The following DAB1 variants were observed in gnomAD, a reference collection of about 807,000 sequenced individuals.
DAB1 encodes the protein disabled homolog 1.
In DAB1, 15 loss-of-function variants were observed where a neutral mutation model predicts 64.6. The ratio of observed to expected loss-of-function variants is 0.23; its 90% confidence interval spans 0.16 to 0.36. DAB1 has a LOEUF of 0.36. DAB1 is among the 10% of genes least tolerant of loss of function. The pLI is 1.00. For missense variants in DAB1, 596 were observed against 706.7 expected (o/e 0.84, Z 1.78); for synonymous variants, 235 against 251.9 (o/e 0.93, Z 0.64).
chr1:58,433,193 G>A (rs1644898694), intron 3 of DAB1, among the ~76,000 whole-genome samples: 1 of 152,154 alleles, frequency 6.6e-6, no homozygotes, highest in Admixed American at 6.5e-5. Flanking sequence ...CATTTGGTGG[G>A]TACTTTACAC....
chr1:57,485,746 G>A (rs777644512), intron 7 of DAB1, among the ~76,000 whole-genome samples: 1 of 152,144 alleles, frequency 6.6e-6, no homozygotes, highest in Non-Finnish European at 1.5e-5. Flanking sequence ...GTGATGATGC[G>A]TTTAAACACT....
chr1:57,168,231 T>C (rs1297894004), intron 2 of DAB1, among the ~76,000 whole-genome samples: 1 of 152,214 alleles, frequency 6.6e-6, no homozygotes. Context: ...GGTTTCTCAC[T>C]TCCCTTCAAA....
chr1:57,455,606 G>A (rs1295595299), intron 7 of DAB1, among the ~76,000 whole-genome samples: 1 of 152,092 alleles, frequency 6.6e-6, no homozygotes. Flanking sequence ...GTGTTAATAA[G>A]CAGGCAAGAA....
At chr1:58,104,932 A>T (rs111631087) in intron 5 of DAB1, among the ~76,000 whole-genome samples, 1 of 152,362 alleles carries the variant, frequency 6.6e-6, no homozygotes, top group African/African-American at 2.4e-5. Flanking sequence ...ACTTTCAAAA[A>T]GGGAATGTCG....
chr1:57,752,277 G>A (rs1648592892), intron 6 of DAB1, among the ~76,000 whole-genome samples: 1 of 152,186 alleles, frequency 6.6e-6, no homozygotes, highest in Non-Finnish European at 1.5e-5. Context: ...AACCCAAGGG[G>A]TTTGATTTTC....
At chr1:57,892,805 A>G (rs1644336915) in intron 5 of DAB1, among the ~76,000 whole-genome samples, 1 of 152,206 alleles carries the variant, frequency 6.6e-6, no homozygotes, top group South Asian at 2.1e-4. Flanking sequence ...ACCCTGGACA[A>G]TTCCTGACAG....
intron 5 of DAB1, among the ~76,000 whole-genome samples, chr1:57,982,792 C>T (rs542904205): frequency 6.6e-6 from 1 of 152,312 alleles, no homozygotes; most frequent in South Asian, 2.1e-4. Flanking sequence ...GGCCCCTCAT[C>T]CTTTCATAGA....
chr1:58,536,382 C>T (rs1020344736), intron 1 of DAB1: 76 of 616,130 alleles, frequency 1.2e-4, no homozygotes, highest in Middle Eastern at 8.6e-4. Context: ...CTGAGGCCTT[C>T]GGGAAAAAAA....
intron 7 of DAB1, among the ~76,000 whole-genome samples, chr1:57,546,065 G>C (rs1376570389): frequency 7.6e-6 from 1 of 131,532 alleles, no homozygotes; most frequent in East Asian, 2.1e-4. Context: ...GAGCAGAGGG[G>C]AGTGTGTGTG....
intron 7 of DAB1, among the ~76,000 whole-genome samples, chr1:57,481,481 T>C (rs897437308): frequency 7.2e-5 from 11 of 152,208 alleles, no homozygotes; most frequent in African/African-American, 2.7e-4. Context: ...ATGGGAGCTA[T>C]ACAGCTCTGA....
At chr1:57,352,376 T>C (rs1678656806) in intron 1 of DAB1, among the ~76,000 whole-genome samples, 1 of 152,180 alleles carries the variant, frequency 6.6e-6, no homozygotes, top group African/African-American at 2.4e-5. Flanking sequence ...ACTTGAAAAT[T>C]TGTTCATATA....
chr1:57,987,093 G>A (rs1222153768), intron 5 of DAB1, among the ~76,000 whole-genome samples: 1 of 152,162 alleles, frequency 6.6e-6, no homozygotes, highest in Non-Finnish European at 1.5e-5. Context: ...GGCTCTGATA[G>A]TTACAAAAAT....
intron 4 of DAB1, among the ~76,000 whole-genome samples, chr1:58,282,969 C>T (rs1273769271): frequency 6.6e-6 from 1 of 152,188 alleles, no homozygotes; most frequent in East Asian, 1.9e-4. Context: ...TGCTGGGAAA[C>T]CCACAGGGAG....
chr1:58,093,697 GA>G lies in DAB1; in HGVS notation n.387+56813del, dbSNP rs746501755. ...AGGGTGCAACCAAGGGTTCAAAAGG[GA>G]AAAAAAAAAAAAAGAAAACTGGAGA... is the stretch of plus-strand genomic sequence containing the variant. On this transcript the variant is annotated intron_variant and non_coding_transcript_variant, in intron 5 of 20. Transcript: ENST00000485760. Among the ~76,000 whole-genome samples, 747 of 129,314 alleles carry G rather than the reference GA, an allele frequency of 5.8e-3. 1 individual carries two copies. The highest frequency in any genetic ancestry group is 0.028 in the Middle Eastern group (7 of 248). The allele number at this position is 129,314 out of a possible 152,430, so 84.8% of individuals were successfully genotyped here.
upstream of DAB1, among the ~76,000 whole-genome samples, chr1:57,886,333 G>A (rs1569920750): frequency 1.3e-5 from 2 of 151,980 alleles, no homozygotes; most frequent in Admixed American, 1.3e-4. Context: ...TAATTTTTGT[G>A]TTTTTAGTAG....
chr1:58,462,917 G>C lies in DAB1; in HGVS notation n.257+43143C>G, dbSNP rs185034592. ...TAGTAGGAATTCAGGGACAACTGTC[G>C]TTCTTATTGTTATAACCTCAGCTTC... is the stretch of plus-strand genomic sequence containing the variant. On this transcript the variant is annotated intron_variant and non_coding_transcript_variant, in intron 3 of 20. Transcript: ENST00000485760. 6 of 152,288 alleles carry C rather than the reference G, an allele frequency of 3.9e-5. No homozygotes were observed. In the East Asian group the frequency reaches 5.8e-4, roughly 15 times the overall value. The allele number at this position is 152,288 out of a possible 1,614,324, so 9.4% of individuals were successfully genotyped here.
At chr1:57,277,823 T>A (rs943994805) in intron 2 of DAB1, among the ~76,000 whole-genome samples, 2 of 152,186 alleles carry the variant, frequency 1.3e-5, no homozygotes, top group Non-Finnish European at 2.9e-5. Flanking sequence ...AAATACATGA[T>A]AAGATTCAGG....
chr1:57,418,341 C>T lies in DAB1; in HGVS notation c.-137+5589G>A, dbSNP rs114198704. On this transcript the variant is annotated intron_variant, in intron 1 of 14. Transcript: ENST00000371236. ...TGAATGTGACAAAGGCAGATAGAAA[C>T]GAGGAAAGACAGAGACAGAGAAAGA... Among the ~76,000 whole-genome samples the T allele has an allele frequency of 8.9e-3, 1,349 of 152,114 alleles. 23 individuals are homozygous for T. The highest frequency in any genetic ancestry group is 0.031 in the African/African-American group (1,287 of 41,474).
chr1:57,518,413 T>C (rs150608222), intron 7 of DAB1, among the ~76,000 whole-genome samples: 1 of 152,258 alleles, frequency 6.6e-6, no homozygotes, highest in African/African-American at 2.4e-5. Flanking sequence ...TCTCTGACCA[T>C]GCTAGCTAAA....
Sources: gnomAD v4.1 joint callset for allele counts (sites outside exome capture counted in the v4.1 genomes callset) on GRCh38, gnomAD v4.1.1 for gene constraint, MANE v1.5 for transcripts, NCBI Gene and HGNC (gene_info 2026-07-23, HGNC 2026-07-21) for gene names.